The following LRRC4C variants were observed in gnomAD, a reference collection of about 807,000 sequenced individuals.
The protein encoded by LRRC4C is leucine-rich repeat-containing protein 4C.
Under a neutral mutation model 33.6 loss-of-function variants are expected in LRRC4C, and 5 were observed. The ratio of observed to expected loss-of-function variants is 0.15; its 90% CI spans 0.08 to 0.31. The LOEUF (loss-of-function observed/expected upper bound fraction) is 0.31. Among genes scored for constraint, LRRC4C ranks in the 10% least tolerant of loss-of-function variants. LRRC4C has a pLI of 1.00. For synonymous variants in LRRC4C, 329 were observed against 302.0 expected, an observed-to-expected ratio of 1.09 and a Z score of -0.93; for missense variants, 560 against 796.7, an observed-to-expected ratio of 0.70 and a Z score of 3.58.
At chr11:40,861,346 G>A (rs749404117) in intron 2 of LRRC4C, among the ~76,000 whole-genome samples, 2 of 152,138 alleles carry the variant, frequency 1.3e-5, no homozygotes, top group Non-Finnish European at 2.9e-5. Flanking sequence ...AGAGAAACAT[G>A]AGCCTGGAAG....
At chr11:40,912,555 A>T (rs1332943025) in intron 2 of LRRC4C, among the ~76,000 whole-genome samples, 2 of 148,948 alleles carry the variant, frequency 1.3e-5, no homozygotes, top group African/African-American at 4.9e-5. Flanking sequence ...AGCGCTAAAC[A>T]TGGAAAGGAA....
intron 5 of LRRC4C, among the ~76,000 whole-genome samples, chr11:40,182,103 G>A (rs976952270): frequency 2.0e-5 from 3 of 152,156 alleles, no homozygotes; most frequent in African/African-American, 7.2e-5. Context: ...TAATTTGAAA[G>A]CACTTAAAAT....
intron 1 of LRRC4C, among the ~76,000 whole-genome samples, chr11:41,337,557 A>C (rs1417786949): frequency 6.6e-6 from 1 of 152,146 alleles, no homozygotes; most frequent in African/African-American, 2.4e-5. Flanking sequence ...TAAAAACTTA[A>C]ATGTAAAACC....
chr11:40,870,950 C>A (rs1047725662), intron 2 of LRRC4C, among the ~76,000 whole-genome samples: 1 of 152,186 alleles, frequency 6.6e-6, no homozygotes, highest in Non-Finnish European at 1.5e-5. Flanking sequence ...CAGCAAGGAA[C>A]ATCCCTGAGA....
chr11:41,255,172 A>T (rs1011687860), intron 1 of LRRC4C, among the ~76,000 whole-genome samples: 1 of 152,010 alleles, frequency 6.6e-6, no homozygotes, highest in African/African-American at 2.4e-5. Flanking sequence ...AGCTATTTGG[A>T]TACCTGCCAA....
At chr11:41,142,712 C>T (rs1178712970) in intron 1 of LRRC4C, among the ~76,000 whole-genome samples, 3 of 151,958 alleles carry the variant, frequency 2.0e-5, no homozygotes, top group Admixed American at 2.0e-4. Context: ...AAAAGGCTCC[C>T]AAATAAAAAT....
chr11:40,995,842 A>G (rs112229778), intron 1 of LRRC4C, among the ~76,000 whole-genome samples: 2 of 152,148 alleles, frequency 1.3e-5, no homozygotes, highest in Non-Finnish European at 1.5e-5. Context: ...GACCCAGCCT[A>G]TATCTCCAAA....
At chr11:41,279,332 C>A (rs1949580874) in intron 1 of LRRC4C, among the ~76,000 whole-genome samples, 1 of 149,894 alleles carries the variant, frequency 6.7e-6, no homozygotes, top group African/African-American at 2.5e-5. Context: ...TGAGAGGCTA[C>A]AAGAATACCA....
chr11:40,775,728 G>T (rs926089213), intron 2 of LRRC4C, among the ~76,000 whole-genome samples: 1 of 152,126 alleles, frequency 6.6e-6, no homozygotes, highest in African/African-American at 2.4e-5. Flanking sequence ...TAAAGAGAGA[G>T]AATTTGACTT....
intron 3 of LRRC4C, among the ~76,000 whole-genome samples, chr11:40,412,449 C>A (rs1167208443): frequency 1.3e-5 from 2 of 152,000 alleles, no homozygotes; most frequent in African/African-American, 4.8e-5. Flanking sequence ...ATTTTGTAAT[C>A]TTTTGTTTTT....
At chr11:41,133,476 T>TCCCCCCACC (rs1943110535) in intron 1 of LRRC4C, among the ~76,000 whole-genome samples, 3 of 141,838 alleles carry the variant, frequency 2.1e-5, no homozygotes, top group Non-Finnish European at 3.0e-5. Flanking sequence ...AAAATCCTAA[T>TCCCCCCACC]CCCCCCCCCG....
At chr11:40,866,897 TA>T (rs1482142652) in intron 2 of LRRC4C, among the ~76,000 whole-genome samples, 9 of 152,128 alleles carry the variant, frequency 5.9e-5, no homozygotes, top group Admixed American at 1.3e-4. Context: ...TTTAGTAACT[TA>T]TGTGTTTTCT....
At chr11:40,409,217 C>A (rs903245065) in intron 3 of LRRC4C, among the ~76,000 whole-genome samples, 1 of 151,878 alleles carries the variant, frequency 6.6e-6, no homozygotes, top group Admixed American at 6.6e-5. Flanking sequence ...GAAGCTAGAT[C>A]TTCAGTTCAC....
At chr11:40,669,485 T>C (rs2136262630) in intron 2 of LRRC4C, among the ~76,000 whole-genome samples, 1 of 152,334 alleles carries the variant, frequency 6.6e-6, no homozygotes, top group Non-Finnish European at 1.5e-5. Context: ...ATTGCTTTCT[T>C]CTCCTCTCCA....
At chr11:40,214,126 T>C (rs769289296) in intron 5 of LRRC4C, among the ~76,000 whole-genome samples, 6 of 152,170 alleles carry the variant, frequency 3.9e-5, no homozygotes, top group East Asian at 1.9e-4. Context: ...TTACCTGCCA[T>C]GTTAGCTTCT....
At chr11:40,793,072 C>CAT (rs1179284037) in intron 2 of LRRC4C, among the ~76,000 whole-genome samples, 1 of 151,942 alleles carries the variant, frequency 6.6e-6, no homozygotes, top group Non-Finnish European at 1.5e-5. Flanking sequence ...ACCAACATGG[C>CAT]ACATGTATAC....
intron 1 of LRRC4C, among the ~76,000 whole-genome samples, chr11:41,076,816 A>T (rs1226496656): frequency 2.6e-5 from 4 of 152,170 alleles, no homozygotes; most frequent in Non-Finnish European, 4.4e-5. Context: ...CCGTAGTCTC[A>T]TCTGAGACAA....
At chr11:40,968,461 G>C (rs1250375787) in intron 1 of LRRC4C, among the ~76,000 whole-genome samples, 1 of 152,234 alleles carries the variant, frequency 6.6e-6, no homozygotes, top group East Asian at 1.9e-4. Flanking sequence ...AGAAAAAAAT[G>C]ACTATGTTGG....
At chr11:41,114,200 A>G (rs758281710) in intron 1 of LRRC4C, among the ~76,000 whole-genome samples, 1 of 152,074 alleles carries the variant, frequency 6.6e-6, no homozygotes, top group Non-Finnish European at 1.5e-5. Flanking sequence ...ATACTATAAA[A>G]TCAACTATTT....
Sources: allele counts gnomAD v4.1 joint callset (sites outside exome capture counted in the v4.1 genomes callset), GRCh38; gene constraint gnomAD v4.1.1; transcripts MANE v1.5; gene names NCBI Gene and HGNC (gene_info 2026-07-23, HGNC 2026-07-21).